Variants in PPP1R3G observed in about 807,000 individuals in gnomAD.
The protein encoded by PPP1R3G is protein phosphatase 1, regulatory (inhibitor) subunit 3G.
In PPP1R3G, 3 loss-of-function variants were observed where a neutral mutation model predicts 2.0. The observed-to-expected ratio is 1.47, with a 90% confidence interval of 0.67 to 3.81. The LOEUF is 3.81. PPP1R3G is among the 30% of genes most tolerant of loss of function. The probability of loss-of-function intolerance (pLI) is 0.02; values close to 1 mark genes in which losing one functional copy is unlikely to be tolerated. For synonymous variants in PPP1R3G, 267 were observed against 250.9 expected, an observed-to-expected ratio of 1.06 and a Z score of -0.61; for missense variants, 595 against 517.0, an observed-to-expected ratio of 1.15 and a Z score of -1.46.
rs1761983551 is a variant in PPP1R3G at position 5,085,819 on chromosome 6, G to A, written c.334G>A (p.Glu112Lys). 1 of 1,527,870 alleles carries A rather than the reference G, an allele frequency of 6.5e-7. No homozygotes were observed. Among genetic ancestry groups the A allele is most frequent in the Non-Finnish European group, 8.8e-7 (1 of 1,141,356 alleles). The allele number at this position is 1,527,870 out of a possible 1,614,324, so 94.6% of individuals were successfully genotyped here. A position where few individuals can be genotyped will look rare whatever the true frequency, so the allele number is the denominator to read the frequency against. ...GCAACAGGCGGTGGCACTGGGCGGC[G>A]AGGGGGCGGAGGACGCACAGCTCGG... ...QQQQAVALGG[E>K]GAEDAQLGPG... is the part of the protein sequence containing the mutation. The change falls in exon 1 of 1, where the codon GAG becomes AAG. Residue 112 changes from glutamate to lysine, a missense_variant. Physicochemically the swap from Glu to Lys is moderately conservative, Grantham distance 56. Transcript: ENST00000405617.
chr6:5,086,363 A>G lies in PPP1R3G; in HGVS notation c.878A>G (p.Lys293Arg). 1.3e-6 allele frequency: 2 copies of G among 1,536,000 alleles called. No individual in the cohort carries two copies. Among genetic ancestry groups the G allele is most frequent in the Non-Finnish European group, 8.7e-7 (1 of 1,146,726 alleles). The change falls in exon 1 of 1, where the codon AAA becomes AGA. Residue 293 changes from lysine (K) to arginine (R), a missense_variant. By Grantham distance (26) the Lys-to-Arg change is conservative. Coordinates refer to ENST00000405617, the MANE Select transcript of PPP1R3G (RefSeq NM_001145115.3). Reference protein sequence around the residue: ...ASEPGSGDAKKEPGAECFHFS... With the variant: ...ASEPGSGDAKREPGAECFHFS... ...GAGCCAGGGTCCGGGGATGCCAAGAAAGAGCCAGGCGCCGAGTGCTTCCAC... is the reference window on the plus strand; with the variant it reads ...GAGCCAGGGTCCGGGGATGCCAAGAGAGAGCCAGGCGCCGAGTGCTTCCAC...
chr6:5,086,563 G>T lies in PPP1R3G; in HGVS notation c.*1G>T, dbSNP rs1178056032. On this transcript the variant is annotated 3_prime_UTR_variant, in exon 1 of 1. Coordinates refer to ENST00000405617, the MANE Select transcript of PPP1R3G (RefSeq NM_001145115.3). The stretch of plus-strand genomic sequence containing the variant: ...CGCGCGCCCTGCGGACGCGCTCTGA[G>T]CCTGGAGAGTTTCGAAGAGCCGTGG... 8.6e-6 allele frequency: 13 copies of T among 1,508,130 alleles called. No individual in the cohort carries two copies. Among genetic ancestry groups the T allele is most frequent in the Non-Finnish European group, 1.1e-5 (12 of 1,129,798 alleles). The allele number at this position is 1,508,130 out of a possible 1,614,324, so 93.4% of individuals were successfully genotyped here. A position where few individuals can be genotyped will look rare whatever the true frequency, so the allele number is the denominator to read the frequency against.
Position 5,086,520 on chromosome 6 carries a change from C to T in PPP1R3G, c.1035C>T (p.Ala345=), listed in dbSNP as rs904414273. The T allele has an allele frequency of 4.6e-6, 7 of 1,533,712 alleles. No individual in the cohort carries two copies. The highest frequency in any genetic ancestry group is 1.4e-5 in the African/African-American group (1 of 72,822). The change falls in exon 1 of 1, where the codon GCC becomes GCT. Residue 345 remains alanine (A), a synonymous_variant. Coordinates refer to ENST00000405617, the MANE Select transcript of PPP1R3G (RefSeq NM_001145115.3). ...QGEYWDNNAG[A]NYTLRYARPA... is the part of the protein sequence containing the mutation. ...AGTACTGGGACAACAACGCGGGCGC[C>T]AACTACACGCTGCGCTACGCGCGCC...
At position 5,086,552 on chromosome 6, in the gene PPP1R3G, A is replaced by G; in HGVS notation, c.1067A>G (p.Asp356Gly). The change falls in exon 1 of 1, where the codon GAC (aspartate) becomes GGC (glycine). Residue 356 changes from aspartate (D) to glycine (G), a missense_variant. Physicochemically the swap from Asp to Gly is moderately conservative, Grantham distance 94. Coordinates refer to ENST00000405617, the MANE Select transcript of PPP1R3G (RefSeq NM_001145115.3). ...ACGCTGCGCTACGCGCGCCCTGCGG[A>G]CGCGCTCTGAGCCTGGAGAGTTTCG... ...NYTLRYARPADAL is the reference protein window; with the variant it reads ...NYTLRYARPAGAL 2.6e-6 allele frequency: 4 copies of G among 1,523,270 alleles called. No homozygotes were observed. Among genetic ancestry groups the G allele is most frequent in the Non-Finnish European group, 2.6e-6 (3 of 1,137,158 alleles). The allele number at this position is 1,523,270 out of a possible 1,614,324, so 94.4% of individuals were successfully genotyped here. A position where few individuals can be genotyped will look rare whatever the true frequency, so the allele number is the denominator to read the frequency against.
rs374531884 is a variant in PPP1R3G, at chr6:5,085,373, C to G, written c.-113C>G. ...TTGTCGAGCCTGGGGCGACTCGCCT[C>G]GGGGAGGGCGAGCCTGAACTGCAGC... On this transcript the variant is annotated 5_prime_UTR_variant, in exon 1 of 1. Coordinates refer to ENST00000405617, the MANE Select transcript of PPP1R3G (RefSeq NM_001145115.3). 1 of 760,534 alleles carries G rather than the reference C, an allele frequency of 1.3e-6. No homozygotes were observed. The highest frequency in any genetic ancestry group is 2.0e-6 in the Non-Finnish European group (1 of 489,098). The allele number at this position is 760,534 out of a possible 1,614,324, so 47.1% of individuals were successfully genotyped here.
rs1037322681 is a variant in PPP1R3G, at chr6:5,086,085, C to T, written c.600C>T (p.Leu200=). 1.4e-6 allele frequency: 2 copies of T among 1,467,788 alleles called. No homozygotes were observed. Among genetic ancestry groups the T allele is most frequent in the Non-Finnish European group, 1.8e-6 (2 of 1,118,358 alleles). 90.9% of individuals were successfully genotyped at this position (1,467,788 alleles called of 1,614,324 possible). A position where few individuals can be genotyped will look rare whatever the true frequency, so the allele number is the denominator to read the frequency against. ...LSAPPSRLRP[L]FQLPGPSAAA... is the part of the protein sequence containing the mutation. The stretch of plus-strand genomic sequence containing the variant: ...CGCCGCCTTCCCGGCTCCGGCCGCT[C>T]TTCCAGCTCCCGGGGCCGAGCGCCG... Residue 200 remains leucine, a synonymous_variant, in exon 1 of 1, where the codon CTC becomes CTT. Transcript: ENST00000405617.
rs1460217596 is a variant in PPP1R3G at position 5,085,457 on chromosome 6, C to T, written c.-29C>T. The T allele has an allele frequency of 1.3e-6, 2 of 1,497,090 alleles. No homozygotes were observed. The highest frequency in any genetic ancestry group is 1.4e-5 in the African/African-American group (1 of 71,596). The allele number at this position is 1,497,090 out of a possible 1,614,324, so 92.7% of individuals were successfully genotyped here. A position where few individuals can be genotyped will look rare whatever the true frequency, so the allele number is the denominator to read the frequency against. ...AAGTCTCCAGAGGGGCCCGGTTCGG[C>T]CCGAGCAAGTCCAGGGGCGAACGGC... On this transcript the variant is annotated 5_prime_UTR_variant, in exon 1 of 1. Coordinates refer to ENST00000405617, the MANE Select transcript of PPP1R3G (RefSeq NM_001145115.3).
In PPP1R3G at chr6:5,086,583, C is replaced by T. The variant is rs748830554; in HGVS notation, c.*21C>T. The stretch of plus-strand genomic sequence containing the variant: ...TCTGAGCCTGGAGAGTTTCGAAGAG[C>T]CGTGGGGCGGGGTTGATTAGCACGT... On this transcript the variant is annotated 3_prime_UTR_variant, in exon 1 of 1. Coordinates refer to ENST00000405617, the MANE Select transcript of PPP1R3G (RefSeq NM_001145115.3). 3.4e-6 allele frequency: 5 copies of T among 1,477,464 alleles called. No individual in the cohort carries two copies. Among genetic ancestry groups the T allele is most frequent in the African/African-American group, 2.8e-5 (2 of 71,226 alleles). 91.5% of individuals were successfully genotyped at this position (1,477,464 alleles called of 1,614,324 possible).
Position 5,085,713 on chromosome 6 carries a change from C to G in PPP1R3G, c.228C>G (p.Cys76Trp), listed in dbSNP as rs1761975943. 5 of 1,546,150 alleles carry G rather than the reference C, an allele frequency of 3.2e-6. No individual in the cohort carries two copies. Among genetic ancestry groups the G allele is most frequent in the Non-Finnish European group, 3.5e-6 (4 of 1,145,766 alleles). Residue 76 changes from cysteine (C) to tryptophan (W), a missense_variant, in exon 1 of 1, where the codon TGC becomes TGG. By Grantham distance (215) the Cys-to-Trp change is radical. Transcript: ENST00000405617. ...APQEQEELLECRRRCRARSFS... is the reference protein window; with the variant it reads ...APQEQEELLEWRRRCRARSFS... ...AGGAGCAGGAGGAGCTGCTGGAATGCCGCCGCCGCTGCCGCGCGCGCTCCT... is the reference window on the plus strand; with the variant it reads ...AGGAGCAGGAGGAGCTGCTGGAATGGCGCCGCCGCTGCCGCGCGCGCTCCT...
Position 5,088,613 on chromosome 6 carries a change from T to A in PPP1R3G, c.*2051T>A, listed in dbSNP as rs990277647. 2 of 152,220 alleles carry A rather than the reference T, an allele frequency of 1.3e-5. No individual in the cohort carries two copies. Among genetic ancestry groups the A allele is most frequent in the African/African-American group, 4.8e-5 (2 of 41,442 alleles). 9.4% of individuals were successfully genotyped at this position (152,220 alleles called of 1,614,324 possible). On this transcript the variant is annotated 3_prime_UTR_variant, in exon 1 of 1. Transcript: ENST00000405617. ...ATGGCAAAGTGTAAAATATTTACTA[T>A]CTGGCCCTTTTACAAAAGGCTGGCC...
chr6:5,085,835 C>G lies in PPP1R3G; in HGVS notation c.350C>G (p.Ala117Gly), dbSNP rs1180885851. The G allele has an allele frequency of 6.5e-7, 1 of 1,528,898 alleles. No homozygotes were observed. Among genetic ancestry groups the G allele is most frequent in the East Asian group, 2.5e-5 (1 of 40,474 alleles). 94.7% of individuals were successfully genotyped at this position (1,528,898 alleles called of 1,614,324 possible). A position where few individuals can be genotyped will look rare whatever the true frequency, so the allele number is the denominator to read the frequency against. ...VALGGEGAED[A>G]QLGPGGCCAK... ...CTGGGCGGCGAGGGGGCGGAGGACG[C>G]ACAGCTCGGCCCGGGCGGCTGCTGC... Residue 117 changes from alanine to glycine, a missense_variant, in exon 1 of 1, where the codon GCA becomes GGA. Ala to Gly is a moderately conservative substitution (Grantham distance 60). Coordinates refer to ENST00000405617, the MANE Select transcript of PPP1R3G (RefSeq NM_001145115.3).
chr6:5,086,360 A>G lies in PPP1R3G; in HGVS notation c.875A>G (p.Lys292Arg), dbSNP rs534017350. The change falls in exon 1 of 1, where the codon AAG becomes AGG. Residue 292 changes from lysine to arginine, a missense_variant. Physicochemically the swap from Lys to Arg is conservative, Grantham distance 26. Coordinates refer to ENST00000405617, the MANE Select transcript of PPP1R3G (RefSeq NM_001145115.3). ...GASEPGSGDA[K>R]KEPGAECFHF... is the part of the protein sequence containing the mutation. Reference sequence around the variant, plus strand: ...TCCGAGCCAGGGTCCGGGGATGCCAAGAAAGAGCCAGGCGCCGAGTGCTTC... The same window carrying G: ...TCCGAGCCAGGGTCCGGGGATGCCAGGAAAGAGCCAGGCGCCGAGTGCTTC... The G allele has an allele frequency of 3.9e-6, 6 of 1,536,036 alleles. No individual in the cohort carries two copies. The African/African-American group carries it at 8.2e-5, about 21-fold the overall frequency.
At position 5,085,423 on chromosome 6, in the gene PPP1R3G, G is replaced by T; in HGVS notation, c.-63G>T. 8.2e-7 allele frequency: 1 copy of T among 1,226,284 alleles called. No individual in the cohort carries two copies. Among genetic ancestry groups the T allele is most frequent in the East Asian group, 2.6e-5 (1 of 38,594 alleles). The allele number at this position is 1,226,284 out of a possible 1,614,324, so 76.0% of individuals were successfully genotyped here. A position where few individuals can be genotyped will look rare whatever the true frequency, so the allele number is the denominator to read the frequency against. ...CCCTGCGCTCCTTCCACGGCCCGAG[G>T]AGTTAGTTAAGTCTCCAGAGGGGCC... On this transcript the variant is annotated 5_prime_UTR_variant, in exon 1 of 1. Coordinates refer to ENST00000405617, the MANE Select transcript of PPP1R3G (RefSeq NM_001145115.3).
In PPP1R3G at chr6:5,086,531, T is replaced by TAC. The variant is rs1175854264; in HGVS notation, c.1046_1047insAC (p.Tyr351AlafsTer22). 2.0e-6 allele frequency: 3 copies of TAC among 1,531,504 alleles called. No homozygotes were observed. The highest frequency in any genetic ancestry group is 2.6e-6 in the Non-Finnish European group (3 of 1,141,494). The allele number at this position is 1,531,504 out of a possible 1,614,324, so 94.9% of individuals were successfully genotyped here. ...AACAACGCGGGCGCCAACTACACGC[T>TAC]GCGCTACGCGCGCCCTGCGGACGCG... On this transcript the variant is annotated frameshift_variant, in exon 1 of 1. Coordinates refer to ENST00000405617, the MANE Select transcript of PPP1R3G (RefSeq NM_001145115.3). LOFTEE classifies it high-confidence loss of function.
rs1175200889 is a variant in PPP1R3G, at chr6:5,088,791, A to G, written c.*2229A>G. 1 of 152,212 alleles carries G rather than the reference A, an allele frequency of 6.6e-6. No homozygotes were observed. Among genetic ancestry groups the G allele is most frequent in the Non-Finnish European group, 1.5e-5 (1 of 68,042 alleles). 9.4% of individuals were successfully genotyped at this position (152,212 alleles called of 1,614,324 possible). A position where few individuals can be genotyped will look rare whatever the true frequency, so the allele number is the denominator to read the frequency against. On this transcript the variant is annotated 3_prime_UTR_variant, in exon 1 of 1. Transcript: ENST00000405617. ...TATATGACTCTCAGTAATCTTGTTT[A>G]GAATAAACACGAAAATGTGAAAAGT...
chr6:5,088,744 C>G lies in PPP1R3G; in HGVS notation c.*2182C>G, dbSNP rs933363114. ...AGCTTTTGCCACTTGAAATAAACCCCCTTTGGGTAAAGGTAAAGCTTTATA... is the reference window on the plus strand; with the variant it reads ...AGCTTTTGCCACTTGAAATAAACCCGCTTTGGGTAAAGGTAAAGCTTTATA... On this transcript the variant is annotated 3_prime_UTR_variant, in exon 1 of 1. Coordinates refer to ENST00000405617, the MANE Select transcript of PPP1R3G (RefSeq NM_001145115.3). 2 of 152,152 alleles carry G rather than the reference C, an allele frequency of 1.3e-5. No homozygotes were observed. Among genetic ancestry groups the G allele is most frequent in the Admixed American group, 6.5e-5 (1 of 15,274 alleles). 9.4% of individuals were successfully genotyped at this position (152,152 alleles called of 1,614,324 possible).
rs1340322682 is a variant in PPP1R3G at position 5,088,042 on chromosome 6, T to C, written c.*1480T>C. On this transcript the variant is annotated 3_prime_UTR_variant, in exon 1 of 1. Coordinates refer to ENST00000405617, the MANE Select transcript of PPP1R3G (RefSeq NM_001145115.3). ...CCAAATTTGGCACACAGCTTATTCT[T>C]GTAGGGCCTGTGACCTAAGAATAGT... The C allele has an allele frequency of 2.0e-5, 3 of 152,202 alleles. No homozygotes were observed. The East Asian group carries it at 5.8e-4, about 29-fold the overall frequency. The allele number at this position is 152,202 out of a possible 1,614,324, so 9.4% of individuals were successfully genotyped here. A position where few individuals can be genotyped will look rare whatever the true frequency, so the allele number is the denominator to read the frequency against.
chr6:5,086,823 G>T lies in PPP1R3G; in HGVS notation c.*261G>T. 1 of 511,344 alleles carries T rather than the reference G, an allele frequency of 2.0e-6. No individual in the cohort carries two copies. The highest frequency in any genetic ancestry group is 3.3e-5 in the East Asian group (1 of 30,560). 31.7% of individuals were successfully genotyped at this position (511,344 alleles called of 1,614,324 possible). A position where few individuals can be genotyped will look rare whatever the true frequency, so the allele number is the denominator to read the frequency against. ...GTTTGACCTTCCTACAAGGCCTCTA[G>T]AATTCCCAGCCTGCGTCAGAATAGG... On this transcript the variant is annotated 3_prime_UTR_variant, in exon 1 of 1. Coordinates refer to ENST00000405617, the MANE Select transcript of PPP1R3G (RefSeq NM_001145115.3).
At position 5,085,740 on chromosome 6, in the gene PPP1R3G, T is replaced by C; in HGVS notation, c.255T>C (p.Phe85=). 1 of 1,541,842 alleles carries C rather than the reference T, an allele frequency of 6.5e-7. No homozygotes were observed. The highest frequency in any genetic ancestry group is 8.7e-7 in the Non-Finnish European group (1 of 1,144,370). Residue 85 remains phenylalanine, a synonymous_variant, in exon 1 of 1, where the codon TTT becomes TTC. Coordinates refer to ENST00000405617, the MANE Select transcript of PPP1R3G (RefSeq NM_001145115.3). Reference sequence around the variant, plus strand: ...GCCGCCGCTGCCGCGCGCGCTCCTTTTCCTTGCCCGCCGACCCCATCTTGC... The same window carrying C: ...GCCGCCGCTGCCGCGCGCGCTCCTTCTCCTTGCCCGCCGACCCCATCTTGC... ...ECRRRCRARS[F]SLPADPILQA...
Sources: allele counts gnomAD v4.1 joint callset, GRCh38; gene constraint gnomAD v4.1.1; transcripts MANE v1.5; gene names NCBI Gene and HGNC (gene_info 2026-07-23, HGNC 2026-07-21).